The following PLCB1 variants were observed in gnomAD, a reference collection of about 807,000 sequenced individuals.
PLCB1 encodes the protein phospholipase C beta 1, also known as 1-phosphatidylinositol 4,5-bisphosphate phosphodiesterase beta-1.
PLCB1 carries 46 observed loss-of-function variants against 161.8 expected under a neutral mutation model. The observed-to-expected ratio is 0.28, with a 90% CI of 0.22 to 0.36. The LOEUF (loss-of-function observed/expected upper bound fraction) is 0.36, where lower values mean the gene tolerates loss of function less well. PLCB1 is among the 10% of genes least tolerant of loss of function. The pLI is 1.00. For missense variants in PLCB1, 1,016 were observed against 1,472.5 expected (o/e 0.69, Z 5.07); for synonymous variants, 517 against 503.7 (o/e 1.03, Z -0.35).
At chr20:8,682,586 T>C (rs1568558831) in intron 9 of PLCB1, among the ~76,000 whole-genome samples, 1 of 152,188 alleles carries the variant, frequency 6.6e-6, no homozygotes, top group Non-Finnish European at 1.5e-5. Context: ...GAGAAATGTA[T>C]TGAATGTGAA....
chr20:8,619,065 A>C (rs886630742), intron 3 of PLCB1, among the ~76,000 whole-genome samples: 9 of 152,204 alleles, frequency 5.9e-5, no homozygotes, highest in Admixed American at 5.9e-4. Flanking sequence ...ATTTACTTCA[A>C]ACTCCTTCAG....
At chr20:8,308,914 A>G (rs2123333609) in intron 2 of PLCB1, among the ~76,000 whole-genome samples, 1 of 152,196 alleles carries the variant, frequency 6.6e-6, no homozygotes, top group East Asian at 1.9e-4. Context: ...AGGGACTCAT[A>G]GATTTTTTTC....
At chr20:8,168,445 G>T (rs1245459676) in intron 2 of PLCB1, among the ~76,000 whole-genome samples, 1 of 152,134 alleles carries the variant, frequency 6.6e-6, no homozygotes, top group Non-Finnish European at 1.5e-5. Flanking sequence ...CACTTACGCT[G>T]CAGTGAGGTG....
At chr20:8,463,156 TGTG>T (rs1981660333) in intron 3 of PLCB1, among the ~76,000 whole-genome samples, 1 of 151,098 alleles carries the variant, frequency 6.6e-6, no homozygotes, top group South Asian at 2.1e-4. Context: ...AGTGTGTGTG[TGTG>T]TGTGTGTGTG....
chr20:8,779,507 CAAAAAAAAAAAAAAA>C (rs373073139), intron 27 of PLCB1, among the ~76,000 whole-genome samples: 3 of 102,512 alleles, frequency 2.9e-5, no homozygotes, highest in Admixed American at 1.1e-4. Context: ...CACTTTTGTG[CAAAAAAAAAAAAAAA>C]AAAAAAAAAA....
chr20:8,268,365 A>C (rs1392809859), intron 2 of PLCB1, among the ~76,000 whole-genome samples: 1 of 152,064 alleles, frequency 6.6e-6, no homozygotes, highest in African/African-American at 2.4e-5. Context: ...CCAGTCTATC[A>C]TTGATGGACA....
intron 3 of PLCB1, among the ~76,000 whole-genome samples, chr20:8,436,216 T>C (rs546683676): frequency 2.2e-4 from 33 of 151,730 alleles, no homozygotes; most frequent in African/African-American, 7.3e-4. Flanking sequence ...TTAGCCCTGC[T>C]ACTTGAGAGG....
intron 3 of PLCB1, among the ~76,000 whole-genome samples, chr20:8,416,798 C>T (rs948380635): frequency 6.6e-6 from 1 of 151,768 alleles, no homozygotes; most frequent in African/African-American, 2.4e-5. Flanking sequence ...ATCCTGGTAG[C>T]CTGACTGAAG....
At chr20:8,352,277 A>C (rs1305754320) in intron 2 of PLCB1, among the ~76,000 whole-genome samples, 1 of 152,154 alleles carries the variant, frequency 6.6e-6, no homozygotes, top group East Asian at 1.9e-4. Flanking sequence ...TATTCTAAAA[A>C]AGGCAATGCC....
At chr20:8,620,654 G>A (rs1370247567) in intron 3 of PLCB1, among the ~76,000 whole-genome samples, 4 of 148,904 alleles carry the variant, frequency 2.7e-5, no homozygotes, top group Non-Finnish European at 5.9e-5. Flanking sequence ...CCTAAGAATC[G>A]CATGAGCCCA....
chr20:8,645,260 C>A (rs531013516), intron 4 of PLCB1, among the ~76,000 whole-genome samples: 1 of 151,634 alleles, frequency 6.6e-6, no homozygotes, highest in East Asian at 1.9e-4. Flanking sequence ...TGTCCTATGA[C>A]CCTGCCAAAT....
At chr20:8,444,045 A>AT (rs372434067) in intron 3 of PLCB1, among the ~76,000 whole-genome samples, 1,743 of 148,882 alleles carry the variant, frequency 0.012, 31 homozygotes, top group African/African-American at 0.032. Flanking sequence ...CCAATACCTG[A>AT]TTTTTTTTTT....
chr20:8,843,923 C>G (rs1011295781), intron 31 of PLCB1, among the ~76,000 whole-genome samples: 3 of 152,102 alleles, frequency 2.0e-5, no homozygotes, highest in African/African-American at 7.2e-5. Context: ...CATCCTTTGC[C>G]GAGGCTACTG....
intron 3 of PLCB1, among the ~76,000 whole-genome samples, chr20:8,404,192 A>C (rs931198382): frequency 4.6e-5 from 7 of 152,208 alleles, no homozygotes; most frequent in Admixed American, 3.9e-4. Context: ...TTGTGATTTC[A>C]TGGAATAAAT....
In PLCB1 at chr20:8,771,510, C is replaced by G. The variant is rs1158139892; in HGVS notation, c.2931-3029C>G. Reference sequence around the variant, plus strand: ...TCCTCATCTGATTAAAGGAAACTTGCTGACTCTTCCAAGAGAGACAAGCGT... The same window carrying G: ...TCCTCATCTGATTAAAGGAAACTTGGTGACTCTTCCAAGAGAGACAAGCGT... On this transcript the variant is annotated intron_variant, in intron 26 of 31. Coordinates refer to ENST00000338037, the MANE Select transcript of PLCB1 (RefSeq NM_015192.4). Among the ~76,000 whole-genome samples, 5 of 152,014 alleles carry G rather than the reference C, an allele frequency of 3.3e-5. No homozygotes were observed. The East Asian group carries it at 9.7e-4, about 29-fold the overall frequency.
At chr20:8,832,918 T>C (rs532828723) in intron 31 of PLCB1, among the ~76,000 whole-genome samples, 196 of 152,298 alleles carry the variant, frequency 1.3e-3, no homozygotes, top group Non-Finnish European at 1.9e-3. Context: ...ACCTTAAGGA[T>C]TGTCATTGTG....
chr20:8,743,097 G>GGTGAAA (rs1980967299), intron 23 of PLCB1, among the ~76,000 whole-genome samples: 2 of 152,154 alleles, frequency 1.3e-5, no homozygotes, highest in South Asian at 4.1e-4. Flanking sequence ...GAATAACAGT[G>GGTGAAA]GTGAAAGTGA....
intron 3 of PLCB1, among the ~76,000 whole-genome samples, chr20:8,434,996 G>T (rs111275601): frequency 7.2e-5 from 11 of 152,266 alleles, no homozygotes; most frequent in African/African-American, 2.6e-4. Flanking sequence ...AAGTTTGTAG[G>T]AATTGTGCTG....
chr20:8,333,139 C>T (rs1356683685), intron 2 of PLCB1, among the ~76,000 whole-genome samples: 1 of 152,110 alleles, frequency 6.6e-6, no homozygotes, highest in African/African-American at 2.4e-5. Context: ...TTCCCCAGTC[C>T]CTGATTGAAT....
Sources: allele counts gnomAD v4.1 joint callset (sites outside exome capture counted in the v4.1 genomes callset), GRCh38; gene constraint gnomAD v4.1.1; transcripts MANE v1.5; gene names NCBI Gene and HGNC (gene_info 2026-07-23, HGNC 2026-07-21).